The following ALG8 variants were observed in gnomAD, a reference collection of about 807,000 sequenced individuals.
ALG8 encodes dolichyl pyrophosphate Glc1Man9GlcNAc2 alpha-1,3-glucosyltransferase.
ALG8 carries 48 observed loss-of-function variants against 70.2 expected under a neutral mutation model. That is an observed-to-expected ratio of 0.68 (90% CI 0.54 to 0.87). The LOEUF (loss-of-function observed/expected upper bound fraction) is 0.87. Ranked by LOEUF, ALG8 falls within the 40% of genes least tolerant of loss-of-function variation. ALG8 has a pLI of 0.00. For synonymous variants in ALG8, 234 were observed against 229.0 expected, an observed-to-expected ratio of 1.02 and a Z score of -0.20; for missense variants, 572 against 608.7, an observed-to-expected ratio of 0.94 and a Z score of 0.64.
At position 78,124,134 on chromosome 11, in the gene ALG8, A is replaced by G. The variant is rs1218720783; in HGVS notation, c.255T>C (p.Phe85=). 6.2e-7 allele frequency: 1 copy of G among 1,614,084 alleles called. No individual in the cohort carries two copies. The highest frequency in any genetic ancestry group is 8.5e-7 in the Non-Finnish European group (1 of 1,180,036). ...TATGGACATTCAGCATTTCTTGATC[A>G]AAATATTTGGCAACATGTGACAGGA... ...EYILSHVAKY[F]DQEMLNVHNL... is the part of the protein sequence containing the mutation. The change falls in exon 3 of 13, where the codon TTT becomes TTC. Residue 85 remains phenylalanine (F), a synonymous_variant. Transcript: ENST00000299626.
intron 9 of ALG8, among the ~76,000 whole-genome samples, chr11:78,108,137 G>A (rs978924055): frequency 5.3e-5 from 8 of 152,040 alleles, no homozygotes; most frequent in African/African-American, 9.7e-5. Context: ...AAAATTAGCC[G>A]GGCGTGGTGG....
At chr11:78,103,600 C>T in intron 12 of ALG8, 1 of 172,070 alleles carries the variant, frequency 5.8e-6, no homozygotes, top group Non-Finnish European at 1.2e-5. Context: ...TGCCCTCCAG[C>T]CTGGGCAACA....
At chr11:78,114,186 C>T (rs1333559822) in intron 6 of ALG8, 80 bp downstream of exon 6, 1 of 1,583,096 alleles carries the variant, frequency 6.3e-7, no homozygotes, top group Admixed American at 1.7e-5. Flanking sequence ...CTTCATAAAA[C>T]CTTCTTATCA....
At chr11:78,117,558 T>C (rs914347457) in intron 5 of ALG8, among the ~76,000 whole-genome samples, 6 of 147,960 alleles carry the variant, frequency 4.1e-5, no homozygotes, top group African/African-American at 1.5e-4. Context: ...GGATCACTTG[T>C]GGTCAGGAGT....
intron 1 of ALG8, chr11:78,138,567 A>G: frequency 2.7e-6 from 1 of 375,132 alleles, no homozygotes; most frequent in Non-Finnish European, 5.2e-6. Context: ...GATCACCAAG[A>G]GCCTGAATCA....
chr11:78,101,781 A>G (rs1405569659), intron 12 of ALG8, among the ~76,000 whole-genome samples: 1 of 152,184 alleles, frequency 6.6e-6, no homozygotes, highest in Non-Finnish European at 1.5e-5. Flanking sequence ...AAAGAGGTAA[A>G]GGGGTTGGGT....
intron 9 of ALG8, among the ~76,000 whole-genome samples, chr11:78,107,480 A>C (rs567129778): frequency 6.7e-6 from 1 of 148,250 alleles, no homozygotes; most frequent in African/African-American, 2.4e-5. Context: ...TGGCCTCCCA[A>C]AGTGCTGGGA....
rs758856513 is a variant in ALG8, at chr11:78,109,487, T to C, written c.993A>G (p.Ser331=). Residue 331 remains serine (S), a synonymous_variant, in exon 9 of 13, where the codon TCA becomes TCG. Transcript: ENST00000299626. ...AGATGAGGGTTGCCAAGGGAGTCAC[T>C]GAGGGAAGGACTGTGTGTTGGAACT... ...VQQFQHTVLP[S]VTPLATLICT... 1 of 1,614,190 alleles carries C rather than the reference T, an allele frequency of 6.2e-7. No individual in the cohort carries two copies. The highest frequency in any genetic ancestry group is 1.1e-5 in the South Asian group (1 of 91,086).
At chr11:78,125,322 G>A (rs1423776215) in intron 2 of ALG8, among the ~76,000 whole-genome samples, 5 of 151,286 alleles carry the variant, frequency 3.3e-5, no homozygotes, top group African/African-American at 9.7e-5. Flanking sequence ...GTGAGCCACC[G>A]CGCCCAGCCT....
intron 1 of ALG8, among the ~76,000 whole-genome samples, chr11:78,131,780 T>C (rs1053082044): frequency 6.6e-6 from 1 of 152,108 alleles, no homozygotes; most frequent in African/African-American, 2.4e-5. Flanking sequence ...CTCTAAAAAT[T>C]AAAACAAACA....
chr11:78,138,681 G>A (rs1364593014), intron 1 of ALG8: 9 of 454,530 alleles, frequency 2.0e-5, no homozygotes, highest in Admixed American at 1.2e-4. Context: ...GAAGGCGGAA[G>A]CCAATATTAA....
Position 78,127,583 on chromosome 11 carries a change from C to T in ALG8, c.96-147G>A, listed in dbSNP as rs961398652. 32 of 728,612 alleles carry T rather than the reference C, an allele frequency of 4.4e-5. No individual in the cohort carries two copies. In the African/African-American group the frequency reaches 5.4e-4, roughly 12 times the overall value. 45.1% of individuals were successfully genotyped at this position (728,612 alleles called of 1,614,324 possible). ...GAGACACAAATAGACATTACATAAT[C>T]CTGTAAAACCTCATTTATCTGGAGG... On this transcript the variant is annotated intron_variant, in intron 1 of 12. Coordinates refer to ENST00000299626, the MANE Select transcript of ALG8 (RefSeq NM_024079.5).
At chr11:78,118,274 C>A (rs1158359198) in intron 5 of ALG8, among the ~76,000 whole-genome samples, 2 of 152,172 alleles carry the variant, frequency 1.3e-5, no homozygotes, top group East Asian at 3.9e-4. Flanking sequence ...ATTGTAAAGA[C>A]TGCTGCTAGA....
chr11:78,123,815 T>C (rs1274132942), intron 3 of ALG8, among the ~76,000 whole-genome samples: 1 of 152,194 alleles, frequency 6.6e-6, no homozygotes, highest in East Asian at 1.9e-4. Flanking sequence ...CTCTGCCTTG[T>C]AACTCCACCT....
intron 5 of ALG8, among the ~76,000 whole-genome samples, chr11:78,118,853 G>T (rs1860696624): frequency 6.6e-6 from 1 of 152,142 alleles, no homozygotes; most frequent in Non-Finnish European, 1.5e-5. Context: ...AGAGGCAGAG[G>T]TTGCAGTGAG....
chr11:78,131,584 C>G (rs1291418578), intron 1 of ALG8, among the ~76,000 whole-genome samples: 1 of 152,200 alleles, frequency 6.6e-6, no homozygotes, highest in Non-Finnish European at 1.5e-5. Flanking sequence ...GCCTGAGCAA[C>G]AGAGTTAGAC....
intron 1 of ALG8, among the ~76,000 whole-genome samples, chr11:78,129,896 T>C (rs550821): frequency 0.22 from 33,090 of 151,936 alleles, 4,429 homozygotes; most frequent in African/African-American, 0.38. Flanking sequence ...GTGATAAGAA[T>C]GAAAAAACAG....
At chr11:78,128,982 C>A (rs962394406) in intron 1 of ALG8, among the ~76,000 whole-genome samples, 5 of 152,092 alleles carry the variant, frequency 3.3e-5, no homozygotes, top group African/African-American at 1.2e-4. Context: ...CTCCAACTTC[C>A]TGTTAACAAT....
chr11:78,118,737 A>C (rs1590822989), intron 5 of ALG8, among the ~76,000 whole-genome samples: 1 of 152,008 alleles, frequency 6.6e-6, no homozygotes, highest in East Asian at 1.9e-4. Flanking sequence ...TGAGGTCAGG[A>C]GTTCGAGCCA....
Sources: allele counts gnomAD v4.1 joint callset (sites outside exome capture counted in the v4.1 genomes callset), GRCh38; gene constraint gnomAD v4.1.1; transcripts MANE v1.5; gene names NCBI Gene and HGNC (gene_info 2026-07-23, HGNC 2026-07-21).